The following LYPLAL1 variants were observed in gnomAD, a reference collection of about 807,000 sequenced individuals.
LYPLAL1 encodes the protein lysophospholipase like 1, also known as lysophospholipase-like protein 1.
A neutral mutation model predicts 19.7 loss-of-function variants in LYPLAL1; 23 were observed. The ratio of observed to expected loss-of-function variants is 1.17; its 90% CI spans 0.84 to 1.65. LYPLAL1 has a LOEUF of 1.65. Among genes scored for constraint, LYPLAL1 ranks in the 40% most tolerant of loss-of-function variants. The probability of loss-of-function intolerance (pLI) is 0.00; values close to 1 mark genes in which losing one functional copy is unlikely to be tolerated. For missense variants in LYPLAL1, 355 were observed against 279.4 expected, an observed-to-expected ratio of 1.27 and a Z score of -1.93; for synonymous variants, 119 against 96.3, an observed-to-expected ratio of 1.24 and a Z score of -1.38.
At chr1:219,289,375 A>G in the LYPLAL1 span, among the ~76,000 whole-genome samples, 3 of 152,150 alleles carry the variant, frequency 2.0e-5, no homozygotes, top group Admixed American at 6.6e-5. Context: ...CTGTATATTT[A>G]TATTCTTCTC....
chr1:219,227,313 C>T, the LYPLAL1 span, among the ~76,000 whole-genome samples: 1 of 152,158 alleles, frequency 6.6e-6, no homozygotes, highest in Non-Finnish European at 1.5e-5. Context: ...TCCCACCACT[C>T]TGCTTCCTCT....
At chr1:219,229,779 C>A in the LYPLAL1 span, among the ~76,000 whole-genome samples, 2 of 152,206 alleles carry the variant, frequency 1.3e-5, no homozygotes, top group Non-Finnish European at 2.9e-5. Context: ...ACGAGCCACA[C>A]CCTCATCGCA....
chr1:219,271,766 G>A, the LYPLAL1 span: 2 of 152,106 alleles, frequency 1.3e-5, no homozygotes, highest in Non-Finnish European at 2.9e-5. Context: ...TTTACAAAAG[G>A]CATGATTCTA....
chr1:219,246,065 T>C, the LYPLAL1 span, among the ~76,000 whole-genome samples: 6 of 152,194 alleles, frequency 3.9e-5, no homozygotes, highest in Non-Finnish European at 8.8e-5. Flanking sequence ...TGAGTGAACC[T>C]CTTTTCCCTT....
the LYPLAL1 span, among the ~76,000 whole-genome samples, chr1:219,375,404 T>G: frequency 8.1e-5 from 12 of 148,196 alleles, no homozygotes; most frequent in African/African-American, 2.8e-4. Context: ...AGGCGGAGGT[T>G]GCAGTGAGCC....
At chr1:219,368,799 C>T in the LYPLAL1 span, among the ~76,000 whole-genome samples, 1 of 152,100 alleles carries the variant, frequency 6.6e-6, no homozygotes, top group South Asian at 2.1e-4. Flanking sequence ...TTACTATGTA[C>T]AATTCAAACT....
the LYPLAL1 span, among the ~76,000 whole-genome samples, chr1:219,297,882 C>T: frequency 6.6e-6 from 1 of 152,156 alleles, no homozygotes; most frequent in Non-Finnish European, 1.5e-5. Flanking sequence ...AAACACTGAG[C>T]TGCATGTTTT....
the LYPLAL1 span, among the ~76,000 whole-genome samples, chr1:219,255,059 A>G: frequency 2.0e-5 from 3 of 151,812 alleles, no homozygotes; most frequent in African/African-American, 4.8e-5. Context: ...TTATTCTGCT[A>G]TTAATTATTT....
At chr1:219,220,870 G>A in the LYPLAL1 span, among the ~76,000 whole-genome samples, 1 of 152,162 alleles carries the variant, frequency 6.6e-6, no homozygotes, top group Admixed American at 6.5e-5. Flanking sequence ...CCACAGTGTT[G>A]TGCCCGGAGT....
chr1:219,359,149 A>G, the LYPLAL1 span, among the ~76,000 whole-genome samples: 5 of 152,156 alleles, frequency 3.3e-5, no homozygotes, highest in Non-Finnish European at 5.9e-5. Flanking sequence ...GGCAATTAAA[A>G]TCACTCTTAA....
the LYPLAL1 span, among the ~76,000 whole-genome samples, chr1:219,420,156 T>C: frequency 1.8e-4 from 28 of 152,204 alleles, no homozygotes; most frequent in Non-Finnish European, 3.7e-4. Flanking sequence ...ACTTGTGAAC[T>C]CCAAGAACAG....
the LYPLAL1 span, among the ~76,000 whole-genome samples, chr1:219,289,706 A>G: frequency 1.3e-5 from 2 of 152,192 alleles, no homozygotes; most frequent in Non-Finnish European, 2.9e-5. Context: ...GGTATTGTCA[A>G]ACACTTTCAA....
chr1:219,318,086 A>G, the LYPLAL1 span, among the ~76,000 whole-genome samples: 5 of 152,164 alleles, frequency 3.3e-5, no homozygotes, highest in Admixed American at 6.5e-5. Context: ...CAGAAACATG[A>G]AAAACTGCAA....
the LYPLAL1 span, among the ~76,000 whole-genome samples, chr1:219,372,920 A>G: frequency 1.3e-5 from 2 of 152,150 alleles, no homozygotes; most frequent in Non-Finnish European, 2.9e-5. Flanking sequence ...AAAAATAAAT[A>G]AATTGTTCTA....
the LYPLAL1 span, chr1:219,271,032 A>C: frequency 2.0e-5 from 3 of 152,024 alleles, no homozygotes; most frequent in African/African-American, 7.3e-5. Context: ...CGCAACCTCC[A>C]CCTCCTGAGG....
chr1:219,361,228 G>A, the LYPLAL1 span, among the ~76,000 whole-genome samples: 3 of 152,170 alleles, frequency 2.0e-5, no homozygotes, highest in African/African-American at 7.2e-5. Context: ...AAGCTGGTGG[G>A]CTATGTATGC....
chr1:219,358,596 G>A, the LYPLAL1 span, among the ~76,000 whole-genome samples: 11 of 152,072 alleles, frequency 7.2e-5, no homozygotes, highest in African/African-American at 9.7e-5. Flanking sequence ...GGTGGCAGGC[G>A]AAAGAGTGAG....
At chr1:219,329,626 T>C in the LYPLAL1 span, among the ~76,000 whole-genome samples, 1 of 152,218 alleles carries the variant, frequency 6.6e-6, no homozygotes, top group African/African-American at 2.4e-5. Context: ...ATGAGTGGGT[T>C]TTCTCTGGAA....
At chr1:219,372,759 C>T in the LYPLAL1 span, among the ~76,000 whole-genome samples, 1 of 151,936 alleles carries the variant, frequency 6.6e-6, no homozygotes, top group Admixed American at 6.6e-5. Flanking sequence ...AAAAAATTGG[C>T]CAAGCATGGT....
Sources: gnomAD v4.1 joint callset for allele counts (sites outside exome capture counted in the v4.1 genomes callset) on GRCh38, gnomAD v4.1.1 for gene constraint, MANE v1.5 for transcripts, NCBI Gene and HGNC (gene_info 2026-07-23, HGNC 2026-07-21) for gene names.